The following PPTC7 variants were observed in gnomAD, a reference collection of about 807,000 sequenced individuals.
PPTC7 encodes protein phosphatase targeting COQ7, also known as protein phosphatase PTC7 homolog.
Under a neutral mutation model 30.8 loss-of-function variants are expected in PPTC7, and 6 were observed. That is an observed-to-expected ratio of 0.19 (90% CI 0.11 to 0.38). The LOEUF (loss-of-function observed/expected upper bound fraction) is 0.38, where lower values mean the gene tolerates loss of function less well. Among genes scored for constraint, PPTC7 ranks in the 10% least tolerant of loss-of-function variants. The pLI is 1.00. For synonymous variants in PPTC7, 163 were observed against 168.1 expected (o/e 0.97, Z 0.23); for missense variants, 218 against 404.8 (o/e 0.54, Z 3.96).
At chr12:110,541,513 G>A (rs973245218) in intron 3 of PPTC7, among the ~76,000 whole-genome samples, 3 of 150,896 alleles carry the variant, frequency 2.0e-5, no homozygotes, top group African/African-American at 7.3e-5. Flanking sequence ...TTTGAGACCA[G>A]CCTGGTTAAA....
At chr12:110,554,291 A>G (rs907842504) in intron 1 of PPTC7, among the ~76,000 whole-genome samples, 39 of 152,280 alleles carry the variant, frequency 2.6e-4, no homozygotes, top group Non-Finnish European at 4.9e-4. Context: ...CTCCTACCTC[A>G]GCCTCCTGAG....
intron 4 of PPTC7, 58 bp downstream of exon 4, chr12:110,539,750 CAACTGAATCCATAA>C: frequency 7.2e-7 from 1 of 1,383,238 alleles, no homozygotes; most frequent in Non-Finnish European, 1.0e-6. Flanking sequence ...AGAGATAATG[CAACTGAATCCATAA>C]AACTCAGCTA....
rs147711359 is a variant in PPTC7 at position 110,574,646 on chromosome 12, C to T, written c.223+8163G>A. Among the ~76,000 whole-genome samples the T allele has an allele frequency of 2.2e-3, 337 of 152,212 alleles. 1 individual carries two copies. Among genetic ancestry groups the T allele is most frequent in the African/African-American group, 7.6e-3 (317 of 41,520 alleles). Reference sequence around the variant, plus strand: ...ACTCAAGTTGAAATGAATAATAAGTCGTGTGTTAGCCTAATGCCCTCTGCA... The same window carrying T: ...ACTCAAGTTGAAATGAATAATAAGTTGTGTGTTAGCCTAATGCCCTCTGCA... On this transcript the variant is annotated intron_variant, in intron 1 of 5. Coordinates refer to ENST00000354300, the MANE Select transcript of PPTC7 (RefSeq NM_139283.2).
At chr12:110,541,782 A>G (rs527409331) in intron 3 of PPTC7, among the ~76,000 whole-genome samples, 1 of 152,030 alleles carries the variant, frequency 6.6e-6, no homozygotes, top group Non-Finnish European at 1.5e-5. Flanking sequence ...GTGTCTCCCA[A>G]GGGTCCCAAA....
intron 1 of PPTC7, among the ~76,000 whole-genome samples, chr12:110,577,166 C>CA (rs34958891): frequency 0.56 from 45,170 of 81,248 alleles, 12,384 homozygotes; most frequent in East Asian, 0.84. Context: ...GACTCTGTCT[C>CA]AAAAAAAAAA....
intron 2 of PPTC7, among the ~76,000 whole-genome samples, chr12:110,550,811 A>C (rs1349485708): frequency 1.3e-5 from 2 of 152,200 alleles, no homozygotes; most frequent in Non-Finnish European, 2.9e-5. Context: ...TCACCGACTA[A>C]TCACCTGTTA....
intron 1 of PPTC7, among the ~76,000 whole-genome samples, chr12:110,571,709 C>T (rs2064538612): frequency 6.6e-6 from 1 of 152,148 alleles, no homozygotes; most frequent in African/African-American, 2.4e-5. Context: ...GGGTTTCATA[C>T]TAAAGAGCTT....
chr12:110,580,676 G>A (rs1224722021), intron 1 of PPTC7, among the ~76,000 whole-genome samples: 1 of 151,830 alleles, frequency 6.6e-6, no homozygotes, highest in East Asian at 2.0e-4. Context: ...CTTCCATATA[G>A]AATTTGATAC....
At chr12:110,551,325 G>A (rs536704310) in intron 2 of PPTC7, among the ~76,000 whole-genome samples, 120 of 152,130 alleles carry the variant, frequency 7.9e-4, no homozygotes, top group Non-Finnish European at 1.5e-3. Context: ...GCAGTACTAC[G>A]TATTCTGGTT....
At chr12:110,579,144 A>G (rs989680411) in intron 1 of PPTC7, among the ~76,000 whole-genome samples, 36 of 151,530 alleles carry the variant, frequency 2.4e-4, no homozygotes, top group Middle Eastern at 3.4e-3. Flanking sequence ...GCAAGACTCT[A>G]TCTCAAAAAA....
intron 1 of PPTC7, among the ~76,000 whole-genome samples, chr12:110,570,836 T>C (rs1261206562): frequency 6.6e-6 from 1 of 151,488 alleles, no homozygotes; most frequent in Non-Finnish European, 1.5e-5. Context: ...AATCAATAAA[T>C]ACTAAGGGAA....
At chr12:110,555,587 G>A (rs529123521) in intron 1 of PPTC7, among the ~76,000 whole-genome samples, 1 of 152,338 alleles carries the variant, frequency 6.6e-6, no homozygotes, top group Admixed American at 6.5e-5. Flanking sequence ...GTTTAAGTAA[G>A]AGATCCATTT....
chr12:110,533,663 A>G lies in PPTC7; in HGVS notation c.*3374T>C, dbSNP rs1048381425. ...AGTTTCCAGAGAAACTGAATGCTGT[A>G]GCTTCTACCAAAGATAGCTGGTATT... On this transcript the variant is annotated 3_prime_UTR_variant, in exon 6 of 6. Transcript: ENST00000354300. 1 of 152,252 alleles carries G rather than the reference A, an allele frequency of 6.6e-6. No homozygotes were observed. The highest frequency in any genetic ancestry group is 2.4e-5 in the African/African-American group (1 of 41,470). The allele number at this position is 152,252 out of a possible 1,614,324, so 9.4% of individuals were successfully genotyped here. A position where few individuals can be genotyped will look rare whatever the true frequency, so the allele number is the denominator to read the frequency against.
At chr12:110,553,422 G>T (rs576995664) in intron 1 of PPTC7, among the ~76,000 whole-genome samples, 1 of 152,002 alleles carries the variant, frequency 6.6e-6, no homozygotes, top group South Asian at 2.1e-4. Context: ...GGGATTACAG[G>T]CATGAGCCAC....
intron 1 of PPTC7, among the ~76,000 whole-genome samples, chr12:110,567,616 A>T (rs1253895377): frequency 1.3e-5 from 2 of 152,066 alleles, no homozygotes; most frequent in Non-Finnish European, 2.9e-5. Flanking sequence ...ACTACTTCCC[A>T]CTGCCCTAGG....
chr12:110,569,626 A>G (rs1313102456), intron 1 of PPTC7, among the ~76,000 whole-genome samples: 1 of 152,250 alleles, frequency 6.6e-6, no homozygotes, highest in Non-Finnish European at 1.5e-5. Flanking sequence ...TTATAAACAA[A>G]GGCTAACAAA....
chr12:110,576,462 A>G (rs1450487703), intron 1 of PPTC7, among the ~76,000 whole-genome samples: 3 of 152,220 alleles, frequency 2.0e-5, no homozygotes, highest in Non-Finnish European at 2.9e-5. Flanking sequence ...CCAAAAGTAG[A>G]AACAACTCGA....
At chr12:110,555,490 C>T (rs2064378986) in intron 1 of PPTC7, among the ~76,000 whole-genome samples, 1 of 152,158 alleles carries the variant, frequency 6.6e-6, no homozygotes, top group African/African-American at 2.4e-5. Flanking sequence ...TTTTCCATAA[C>T]ACAACATTTA....
chr12:110,556,880 C>G (rs545149500), intron 1 of PPTC7, among the ~76,000 whole-genome samples: 2 of 152,106 alleles, frequency 1.3e-5, no homozygotes, highest in Non-Finnish European at 1.5e-5. Context: ...ACGGACACCA[C>G]GAGAATGCAG....
Sources: allele counts gnomAD v4.1 joint callset (sites outside exome capture counted in the v4.1 genomes callset), GRCh38; gene constraint gnomAD v4.1.1; transcripts MANE v1.5; gene names NCBI Gene and HGNC (gene_info 2026-07-23, HGNC 2026-07-21).